ZNF407: variants seen among roughly 807,000 people sequenced by gnomAD.
ZNF407 encodes zinc finger protein 407.
In ZNF407, 17 loss-of-function variants were observed where a neutral mutation model predicts 131.2. The ratio of observed to expected loss-of-function variants is 0.13; its 90% CI spans 0.09 to 0.19. The LOEUF (loss-of-function observed/expected upper bound fraction) is 0.19. ZNF407 is among the 10% of genes least tolerant of loss of function. ZNF407 has a pLI of 1.00. For missense variants in ZNF407, 2,681 were observed against 2,830.6 expected (o/e 0.95, Z 1.20); for synonymous variants, 1,156 against 1,062.0 (o/e 1.09, Z -1.72).
chr18:74,927,201 G>A (rs1200241509), intron 8 of ZNF407, among the ~76,000 whole-genome samples: 1 of 152,118 alleles, frequency 6.6e-6, no homozygotes, highest in Admixed American at 6.5e-5. Context: ...TGAAAAATCT[G>A]TCTTCAAGAG....
At chr18:75,031,109 T>C (rs185761595) in intron 8 of ZNF407, among the ~76,000 whole-genome samples, 30 of 152,162 alleles carry the variant, frequency 2.0e-4, no homozygotes, top group Non-Finnish European at 4.1e-4. Flanking sequence ...CTGCAAGACC[T>C]CACACTCATG....
chr18:74,826,796 T>C (rs1180520820), intron 4 of ZNF407, among the ~76,000 whole-genome samples: 1 of 152,194 alleles, frequency 6.6e-6, no homozygotes, highest in Non-Finnish European at 1.5e-5. Context: ...TAACGTACAG[T>C]AAGCAGCGAT....
chr18:74,670,334 G>A (rs1419194847), intron 3 of ZNF407, among the ~76,000 whole-genome samples: 1 of 152,182 alleles, frequency 6.6e-6, no homozygotes, highest in African/African-American at 2.4e-5. Context: ...GAAGTTAGAT[G>A]ATTTAATGTA....
chr18:74,623,556 A>G (rs573018024), intron 1 of ZNF407, among the ~76,000 whole-genome samples: 1 of 152,384 alleles, frequency 6.6e-6, no homozygotes, highest in East Asian at 1.9e-4. Context: ...GTTTCATTTG[A>G]CTGAAATAAT....
At chr18:74,947,848 C>T (rs1972170852) in intron 8 of ZNF407, among the ~76,000 whole-genome samples, 1 of 152,216 alleles carries the variant, frequency 6.6e-6, no homozygotes. Context: ...TTTCTACTTA[C>T]TTCCTCTCAT....
intron 1 of ZNF407, among the ~76,000 whole-genome samples, chr18:74,608,380 G>C (rs1343911961): frequency 7.3e-6 from 1 of 137,026 alleles, no homozygotes; most frequent in African/African-American, 2.8e-5. Flanking sequence ...ACAGAGTCTT[G>C]CTCTGTCACT....
At chr18:74,980,019 A>G (rs1972570366) in intron 8 of ZNF407, among the ~76,000 whole-genome samples, 2 of 152,126 alleles carry the variant, frequency 1.3e-5, no homozygotes, top group Non-Finnish European at 2.9e-5. Flanking sequence ...AGGGAGAAAT[A>G]CTGCGAATAT....
At chr18:74,961,543 A>G (rs939093654) in intron 8 of ZNF407, among the ~76,000 whole-genome samples, 3 of 151,964 alleles carry the variant, frequency 2.0e-5, no homozygotes, top group Non-Finnish European at 4.4e-5. Context: ...ACATGATGAA[A>G]CCCCATCTCT....
In ZNF407 at chr18:74,980,463, C is replaced by T. The variant is rs562380922; in HGVS notation, c.5428+59771C>T. On this transcript the variant is annotated intron_variant, in intron 8 of 8. Transcript: ENST00000299687. ...GGGATACAGGCACCCACTACCACGC[C>T]CGGCTAATTTTTTTGTATTTTAATA... Among the ~76,000 whole-genome samples, 71 of 152,072 alleles carry T rather than the reference C, an allele frequency of 4.7e-4. No homozygotes were observed. The Middle Eastern group carries it at 0.014, about 29-fold the overall frequency.
Position 75,064,281 on chromosome 18 carries a change from C to T in ZNF407, c.6560C>T (p.Ser2187Phe), listed in dbSNP as rs1442622210. Reference sequence around the variant, plus strand: ...GTGCAGGACGAGCCGGGCCTGTACTCCCACACCGTGCTGGAGACTGCGGAC... The same window carrying T: ...GTGCAGGACGAGCCGGGCCTGTACTTCCACACCGTGCTGGAGACTGCGGAC... ...PGVQDEPGLY[S>F]HTVLETADSQ... Residue 2187 changes from serine (S) to phenylalanine (F), a missense_variant, in exon 9 of 9, where the codon TCC (serine) becomes TTC (phenylalanine). Coordinates refer to ENST00000299687, the MANE Select transcript of ZNF407 (RefSeq NM_017757.3). 4.5e-5 allele frequency: 72 copies of T among 1,604,588 alleles called. No individual in the cohort carries two copies. Among genetic ancestry groups the T allele is most frequent in the Non-Finnish European group, 6.1e-5 (72 of 1,176,504 alleles).
intron 4 of ZNF407, among the ~76,000 whole-genome samples, chr18:74,809,512 A>C (rs989163847): frequency 6.6e-6 from 1 of 152,170 alleles, no homozygotes; most frequent in Non-Finnish European, 1.5e-5. Context: ...TTGGTGTCCC[A>C]GTGGTTTTTT....
chr18:74,889,825 A>G (rs538524634), intron 6 of ZNF407, 93 bp from the exon 7 acceptor site: 1 of 1,173,220 alleles, frequency 8.5e-7, no homozygotes, highest in African/African-American at 1.6e-5. Flanking sequence ...ATTTCATGGA[A>G]ATAAATGTTT....
At chr18:75,040,883 T>C (rs1473076950) in intron 8 of ZNF407, among the ~76,000 whole-genome samples, 2 of 152,118 alleles carry the variant, frequency 1.3e-5, no homozygotes, top group African/African-American at 2.4e-5. Context: ...TGGAGAACGG[T>C]AGAGCTCCAC....
chr18:74,828,755 C>T (rs1970443547), intron 4 of ZNF407, among the ~76,000 whole-genome samples: 1 of 152,122 alleles, frequency 6.6e-6, no homozygotes, highest in Non-Finnish European at 1.5e-5. Context: ...TTTAAAACAC[C>T]AATGTGATAC....
At chr18:74,813,049 T>C (rs376385001) in intron 4 of ZNF407, among the ~76,000 whole-genome samples, 4 of 152,316 alleles carry the variant, frequency 2.6e-5, no homozygotes, top group South Asian at 4.1e-4. Flanking sequence ...ATTTTTACCC[T>C]GAATTGTTGG....
intron 4 of ZNF407, among the ~76,000 whole-genome samples, chr18:74,826,514 C>T (rs1256848660): frequency 1.3e-5 from 2 of 152,156 alleles, no homozygotes; most frequent in Non-Finnish European, 2.9e-5. Context: ...TCTTTATTCT[C>T]TCCTTTGGGA....
At chr18:74,873,712 T>TA (rs71170328) in intron 4 of ZNF407, among the ~76,000 whole-genome samples, 2,110 of 140,968 alleles carry the variant, frequency 0.015, 23 homozygotes, top group African/African-American at 0.035. Context: ...CCCTGGCTCT[T>TA]AAAAAAAAAA....
intron 8 of ZNF407, among the ~76,000 whole-genome samples, chr18:74,980,209 T>C (rs1032809071): frequency 2.0e-5 from 3 of 151,718 alleles, no homozygotes; most frequent in East Asian, 3.9e-4. Context: ...AAAAACTAAT[T>C]CCAAAACGGA....
At chr18:74,804,313 A>C (rs1599166103) in intron 4 of ZNF407, 2 of 1,142,100 alleles carry the variant, frequency 1.8e-6, no homozygotes, top group East Asian at 4.5e-5. Flanking sequence ...AAAAAAAAAA[A>C]AACCCTTAAT....
Sources: allele counts gnomAD v4.1 joint callset (sites outside exome capture counted in the v4.1 genomes callset), GRCh38; gene constraint gnomAD v4.1.1; transcripts MANE v1.5; gene names NCBI Gene and HGNC (gene_info 2026-07-23, HGNC 2026-07-21).